The following ZBTB46 variants were observed in gnomAD, a reference collection of about 807,000 sequenced individuals.
ZBTB46 encodes the protein zinc finger and BTB domain containing 46, also known as zinc finger and BTB domain-containing protein 46.
In ZBTB46, 8 loss-of-function variants were observed where a neutral mutation model predicts 44.1. That is an observed-to-expected ratio of 0.18 (90% CI 0.11 to 0.33). The LOEUF is 0.33. Ranked by LOEUF, ZBTB46 falls within the 10% of genes least tolerant of loss-of-function variation. ZBTB46 has a pLI of 1.00. For synonymous variants in ZBTB46, 409 were observed against 382.3 expected (o/e 1.07, Z -0.81); for missense variants, 651 against 847.7 (o/e 0.77, Z 2.88).
At chr20:63,756,014 T>C (rs1051315976) in intron 3 of ZBTB46, among the ~76,000 whole-genome samples, 2 of 152,320 alleles carry the variant, frequency 1.3e-5, no homozygotes, top group East Asian at 3.9e-4. Context: ...TTCAGCGACA[T>C]CCGGCTGCGA....
chr20:63,795,969 C>A (rs2092600792), intron 1 of ZBTB46, among the ~76,000 whole-genome samples: 1 of 152,186 alleles, frequency 6.6e-6, no homozygotes, highest in Admixed American at 6.5e-5. Flanking sequence ...AGGCGCGCTG[C>A]TGTTGAGGAC....
chr20:63,776,337 C>T (rs535721903), intron 2 of ZBTB46, among the ~76,000 whole-genome samples: 7 of 152,308 alleles, frequency 4.6e-5, no homozygotes, highest in African/African-American at 1.4e-4. Flanking sequence ...CTCGCAAAGA[C>T]GAGGAGAGGC....
chr20:63,807,592 G>A lies in ZBTB46; in HGVS notation c.-33-16802C>T, dbSNP rs145014381. Among the ~76,000 whole-genome samples the A allele has an allele frequency of 2.4e-3, 359 of 152,298 alleles. 1 individual carries two copies. Among genetic ancestry groups the A allele is most frequent in the East Asian group, 0.017 (90 of 5,182 alleles). Reference sequence around the variant, plus strand: ...ACTCCTGGCCTCAAGCAATCTGCCCGCCTCGGCCTCCCAAAGTGTTGGGAC... The same window carrying A: ...ACTCCTGGCCTCAAGCAATCTGCCCACCTCGGCCTCCCAAAGTGTTGGGAC... On this transcript the variant is annotated intron_variant, in intron 1 of 4. Transcript: ENST00000245663.
chr20:63,772,650 C>T (rs868789883), intron 3 of ZBTB46, among the ~76,000 whole-genome samples: 2 of 151,910 alleles, frequency 1.3e-5, no homozygotes, highest in African/African-American at 4.8e-5. Flanking sequence ...GCCCGGGAGG[C>T]AGAGGCTGCA....
intron 4 of ZBTB46, among the ~76,000 whole-genome samples, chr20:63,749,177 T>C (rs1322092116): frequency 6.6e-6 from 1 of 152,236 alleles, no homozygotes; most frequent in Non-Finnish European, 1.5e-5. Context: ...GGATGGGCGC[T>C]GTCCAGGGAT....
intron 2 of ZBTB46, among the ~76,000 whole-genome samples, chr20:63,781,783 C>T (rs1180836846): frequency 1.5e-4 from 18 of 117,386 alleles, no homozygotes; most frequent in Admixed American, 1.4e-3. Context: ...CAGAGCGAGA[C>T]TCTGTCAAAA....
chr20:63,745,821 A>G lies in ZBTB46; in HGVS notation c.*1109T>C, dbSNP rs1167836140. On this transcript the variant is annotated 3_prime_UTR_variant, in exon 5 of 5. Coordinates refer to ENST00000245663, the MANE Select transcript of ZBTB46 (RefSeq NM_001369741.1). The stretch of plus-strand genomic sequence containing the variant: ...ACCGTGGGACCTTTGCTTTTCACTC[A>G]GGAAAAGAAAGAACATGTGAGTGCT... 6.6e-6 allele frequency: 1 copy of G among 152,416 alleles called. No individual in the cohort carries two copies. Among genetic ancestry groups the G allele is most frequent in the African/African-American group, 2.4e-5 (1 of 41,474 alleles). The allele number at this position is 152,416 out of a possible 1,614,324, so 9.4% of individuals were successfully genotyped here.
intron 3 of ZBTB46, among the ~76,000 whole-genome samples, chr20:63,754,674 A>G (rs1342027527): frequency 6.6e-6 from 1 of 151,162 alleles, no homozygotes; most frequent in Non-Finnish European, 1.5e-5. Flanking sequence ...ATCTCAGCTC[A>G]CTGCAAGCTC....
intron 3 of ZBTB46, among the ~76,000 whole-genome samples, chr20:63,768,645 G>T (rs1360424875): frequency 2.6e-5 from 4 of 151,930 alleles, no homozygotes; most frequent in South Asian, 2.1e-4. Flanking sequence ...TCTTGTTAAA[G>T]AATTTTTTTT....
intron 1 of ZBTB46, among the ~76,000 whole-genome samples, chr20:63,828,684 G>A (rs568716593): frequency 1.3e-5 from 2 of 152,380 alleles, no homozygotes; most frequent in Admixed American, 1.3e-4. Flanking sequence ...CACGGCAGAC[G>A]CCGTGACACT....
rs762657560 is a variant in ZBTB46 at position 63,775,928 on chromosome 20, G to C, written c.972C>G (p.Ser324=). ...GCTCGGCCCTCTCTCCTCGGCTGTCGGAGCTGCTGGCTTCGGTGACGGACA... is the reference window on the plus strand; with the variant it reads ...GCTCGGCCCTCTCTCCTCGGCTGTCCGAGCTGCTGGCTTCGGTGACGGACA... ...ADLSVTEASS[S]DSRGERAELY... is the part of the protein sequence containing the mutation. The change falls in exon 3 of 5, where the codon TCC becomes TCG. Residue 324 remains serine, a synonymous_variant. Transcript: ENST00000245663. 4 of 1,587,878 alleles carry C rather than the reference G, an allele frequency of 2.5e-6. No homozygotes were observed. The highest frequency in any genetic ancestry group is 3.4e-6 in the Non-Finnish European group (4 of 1,169,698).
rs539905463 is a variant in ZBTB46 at position 63,776,282 on chromosome 20, C to T, written c.938-320G>A. ...CCTGGTACCTGCTCTGCTCCAGGGC[C>T]GAGGGCCTGAGAGTCAGAGGCTCCT... is the stretch of plus-strand genomic sequence containing the variant. On this transcript the variant is annotated intron_variant, in intron 2 of 4. Coordinates refer to ENST00000245663, the MANE Select transcript of ZBTB46 (RefSeq NM_001369741.1). Among the ~76,000 whole-genome samples, 4 of 152,322 alleles carry T rather than the reference C, an allele frequency of 2.6e-5. No individual in the cohort carries two copies. In the South Asian group the frequency reaches 8.3e-4, roughly 32 times the overall value.
At chr20:63,747,539 G>C (rs565753807) in intron 4 of ZBTB46, among the ~76,000 whole-genome samples, 1 of 128,710 alleles carries the variant, frequency 7.8e-6, no homozygotes, top group South Asian at 2.9e-4. Context: ...TGGTGGGTGG[G>C]GGGGGTGCGG....
rs114816942 is a variant in ZBTB46, at chr20:63,821,994, C to T, written c.-34+9103G>A. 3.6e-3 allele frequency among the ~76,000 whole-genome samples: 552 copies of T among 152,306 alleles called. 5 individuals carry two copies. Among genetic ancestry groups the T allele is most frequent in the African/African-American group, 0.013 (532 of 41,560 alleles). On this transcript the variant is annotated intron_variant, in intron 1 of 4. Transcript: ENST00000245663. The stretch of plus-strand genomic sequence containing the variant: ...CCCAAGCACTTACTCACCAGAAAAA[C>T]CCAGCCAGTCACTCAGCACACTGCG...
At chr20:63,770,144 G>A (rs1037624340) in intron 3 of ZBTB46, among the ~76,000 whole-genome samples, 1 of 152,240 alleles carries the variant, frequency 6.6e-6, no homozygotes, top group Non-Finnish European at 1.5e-5. Context: ...GGGGCTTACA[G>A]TCTCCTGTCC....
intron 3 of ZBTB46, among the ~76,000 whole-genome samples, chr20:63,753,596 G>A (rs1451218853): frequency 3.9e-5 from 6 of 152,236 alleles, no homozygotes; most frequent in Non-Finnish European, 7.3e-5. Flanking sequence ...CACTGAGAGA[G>A]CCCGGAGCAG....
At chr20:63,827,459 T>C (rs1223630364) in intron 1 of ZBTB46, among the ~76,000 whole-genome samples, 1 of 150,644 alleles carries the variant, frequency 6.6e-6, no homozygotes, top group Non-Finnish European at 1.5e-5. Context: ...TACAAAAAAA[T>C]TAGCCGGGCG....
At chr20:63,781,249 C>T (rs1050209733) in intron 2 of ZBTB46, among the ~76,000 whole-genome samples, 2 of 151,342 alleles carry the variant, frequency 1.3e-5, no homozygotes, top group African/African-American at 4.9e-5. Context: ...CACCTAGGAA[C>T]TCTCACCACT....
At chr20:63,751,795 G>GC (rs529848408) in intron 4 of ZBTB46, among the ~76,000 whole-genome samples, 2,219 of 28,946 alleles carry the variant, frequency 0.077, 288 homozygotes, top group Middle Eastern at 0.23. Flanking sequence ...ATGAAGCCCC[G>GC]CCCCCGGTGG....
Sources: allele counts gnomAD v4.1 joint callset (sites outside exome capture counted in the v4.1 genomes callset), GRCh38; gene constraint gnomAD v4.1.1; transcripts MANE v1.5; gene names NCBI Gene and HGNC (gene_info 2026-07-23, HGNC 2026-07-21).